GPR149: variants seen among roughly 807,000 people sequenced by gnomAD.
GPR149 encodes the protein G protein-coupled receptor 149, also known as probable G protein-coupled receptor 149.
GPR149 carries 50 observed loss-of-function variants against 50.2 expected under a neutral mutation model. The ratio of observed to expected loss-of-function variants is 1.00; its 90% confidence interval spans 0.79 to 1.26. The LOEUF (loss-of-function observed/expected upper bound fraction) is 1.26, where lower values mean the gene tolerates loss of function less well. Ranked by LOEUF, GPR149 falls within the 50% of genes most tolerant of loss-of-function variation. The pLI, the probability that GPR149 is intolerant of heterozygous loss-of-function variation, is 0.00. For missense variants in GPR149, 983 were observed against 895.4 expected, an observed-to-expected ratio of 1.10 and a Z score of -1.25; for synonymous variants, 405 against 358.2, an observed-to-expected ratio of 1.13 and a Z score of -1.48.
chr3:154,414,620 T>C (rs1211717299), intron 3 of GPR149, among the ~76,000 whole-genome samples: 2 of 152,010 alleles, frequency 1.3e-5, no homozygotes, highest in Non-Finnish European at 2.9e-5. Flanking sequence ...ACCAATTTTA[T>C]GAAGGGATCA....
chr3:154,353,512 G>A (rs1714138123), intron 3 of GPR149: 1 of 894,328 alleles, frequency 1.1e-6, no homozygotes, highest in Non-Finnish European at 1.9e-6. Flanking sequence ...CAGCCACTCT[G>A]CAGATGATCT....
chr3:154,405,633 T>C (rs1220967278), intron 3 of GPR149, among the ~76,000 whole-genome samples: 1 of 131,070 alleles, frequency 7.6e-6, no homozygotes, highest in Non-Finnish European at 1.6e-5. Flanking sequence ...TAGATCCAAG[T>C]AGATATAGAA....
At chr3:154,341,539 T>C (rs915625147) in intron 3 of GPR149, among the ~76,000 whole-genome samples, 4 of 151,350 alleles carry the variant, frequency 2.6e-5, no homozygotes, top group Non-Finnish European at 1.5e-5. Flanking sequence ...AACAATACTA[T>C]AGAAGTATGT....
chr3:154,384,229 T>G (rs915527439), intron 3 of GPR149, among the ~76,000 whole-genome samples: 1 of 152,184 alleles, frequency 6.6e-6, no homozygotes, highest in Non-Finnish European at 1.5e-5. Flanking sequence ...GAGATCTTAT[T>G]TTCAGTAAAC....
intron 3 of GPR149, among the ~76,000 whole-genome samples, chr3:154,378,097 T>A (rs1413443674): frequency 6.8e-6 from 1 of 146,776 alleles, no homozygotes; most frequent in Non-Finnish European, 1.5e-5. Context: ...CCTTTTTTTT[T>A]TTTTGAGATG....
In GPR149 at chr3:154,415,798, A is replaced by G. The variant is rs141154554; in HGVS notation, c.1623+5241T>C. Among the ~76,000 whole-genome samples, 709 of 152,090 alleles carry G rather than the reference A, an allele frequency of 4.7e-3. 2 individuals carry two copies. The highest frequency in any genetic ancestry group is 0.016 in the African/African-American group (675 of 41,560). On this transcript the variant is annotated intron_variant, in intron 3 of 3. Transcript: ENST00000389740. ...AGTTAGTTTAATAATTATAAAAACA[A>G]TAAAGTTTGTACTTTTAAAAAACTA... is the stretch of plus-strand genomic sequence containing the variant.
intron 3 of GPR149, among the ~76,000 whole-genome samples, chr3:154,341,292 CATATATATATATATATATATATATAT>C (rs373212063): frequency 0.39 from 28,706 of 73,248 alleles, 4,850 homozygotes; most frequent in South Asian, 0.57. Context: ...AAAAATAAGA[CATATATATATATATATATATATATAT>C]ATATATATAT....
At chr3:154,400,568 T>C (rs186466419) in intron 3 of GPR149, among the ~76,000 whole-genome samples, 1 of 152,210 alleles carries the variant, frequency 6.6e-6, no homozygotes, top group Admixed American at 6.5e-5. Flanking sequence ...TTCCACAATA[T>C]TGTCATTCTG....
At chr3:154,383,489 CTT>C (rs1171509561) in intron 3 of GPR149, among the ~76,000 whole-genome samples, 3 of 152,092 alleles carry the variant, frequency 2.0e-5, no homozygotes. Context: ...GGGCACACTG[CTT>C]GCCATATCGA....
At chr3:154,341,091 C>G (rs1713782206) in intron 3 of GPR149, among the ~76,000 whole-genome samples, 1 of 151,424 alleles carries the variant, frequency 6.6e-6, no homozygotes, top group African/African-American at 2.4e-5. Context: ...TGAAAACTTT[C>G]CATCCTGAGA....
rs1356574113 is a variant in GPR149, at chr3:154,337,747, CA to C, written c.2147del (p.Leu716CysfsTer2). On this transcript the variant is annotated frameshift_variant, in exon 4 of 4. Coordinates refer to ENST00000389740, the MANE Select transcript of GPR149 (RefSeq NM_001038705.3). LOFTEE classifies it high-confidence loss of function. ...ERDGYQEEIQ[L>X]LNKAYRKREE... The stretch of plus-strand genomic sequence containing the variant: ...CTCTTTTTCTGTAAGCTTTATTTAA[CA>C]ACTGGATTTCCTCCTGGTAGCCATC... The C allele has an allele frequency of 2.4e-5, 39 of 1,611,374 alleles. No individual in the cohort carries two copies. Among genetic ancestry groups the C allele is most frequent in the Non-Finnish European group, 2.9e-5 (34 of 1,178,892 alleles).
chr3:154,357,841 G>C (rs1029078401), intron 3 of GPR149, among the ~76,000 whole-genome samples: 3 of 152,132 alleles, frequency 2.0e-5, no homozygotes, highest in African/African-American at 4.8e-5. Context: ...ACATGCACAC[G>C]TATGTTTATT....
At chr3:154,373,441 G>A (rs1714713567) in intron 3 of GPR149, among the ~76,000 whole-genome samples, 1 of 152,204 alleles carries the variant, frequency 6.6e-6, no homozygotes, top group African/African-American at 2.4e-5. Context: ...ACATCGAAAA[G>A]CACTTGGAAG....
intron 2 of GPR149, 147 bp downstream of exon 2, chr3:154,427,369 T>A: frequency 1.6e-6 from 1 of 624,910 alleles, no homozygotes; most frequent in Non-Finnish European, 2.7e-6. Context: ...AGTGATTGTT[T>A]CATGTTATAA....
chr3:154,416,494 CA>C (rs1711993235), intron 3 of GPR149, among the ~76,000 whole-genome samples: 1 of 151,734 alleles, frequency 6.6e-6, no homozygotes, highest in Non-Finnish European at 1.5e-5. Context: ...CTAAAGAGCT[CA>C]AAATAGTCTA....
intron 3 of GPR149, among the ~76,000 whole-genome samples, chr3:154,413,379 G>GA (rs1212628481): frequency 1.3e-5 from 2 of 151,728 alleles, no homozygotes; most frequent in African/African-American, 4.8e-5. Context: ...CACAGCATGG[G>GA]AAAAAAATCT....
chr3:154,382,709 T>A (rs1407933985), intron 3 of GPR149, among the ~76,000 whole-genome samples: 1 of 152,230 alleles, frequency 6.6e-6, no homozygotes, highest in Non-Finnish European at 1.5e-5. Context: ...TTCATGAGAA[T>A]ATTCATATTT....
intron 3 of GPR149, among the ~76,000 whole-genome samples, chr3:154,376,892 A>T (rs769889921): frequency 1.3e-5 from 2 of 152,188 alleles, no homozygotes. Flanking sequence ...TTTACATAAT[A>T]AAAAGATAAC....
chr3:154,407,196 C>T, intron 3 of GPR149, among the ~76,000 whole-genome samples: 1 of 152,172 alleles, frequency 6.6e-6, no homozygotes, highest in South Asian at 2.1e-4. Flanking sequence ...CAAACCACAT[C>T]ATGTTTTATA....
Sources: allele counts gnomAD v4.1 joint callset (sites outside exome capture counted in the v4.1 genomes callset), GRCh38; gene constraint gnomAD v4.1.1; transcripts MANE v1.5; gene names NCBI Gene and HGNC (gene_info 2026-07-23, HGNC 2026-07-21).